The following SGCD variants were observed in gnomAD, a reference collection of about 807,000 sequenced individuals.
SGCD encodes the protein delta-sarcoglycan.
Under a neutral mutation model 36.6 loss-of-function variants are expected in SGCD, and 18 were observed. That is an observed-to-expected ratio of 0.49 (90% confidence interval 0.34 to 0.73). SGCD has a LOEUF of 0.73. Among genes scored for constraint, SGCD ranks in the 30% least tolerant of loss-of-function variants. The probability of loss-of-function intolerance (pLI) is 0.01; values close to 1 mark genes in which losing one functional copy is unlikely to be tolerated. For missense variants in SGCD, 387 were observed against 346.7 expected, an observed-to-expected ratio of 1.12 and a Z score of -0.92; for synonymous variants, 133 against 130.6, an observed-to-expected ratio of 1.02 and a Z score of -0.12.
intron 3 of SGCD, among the ~76,000 whole-genome samples, chr5:156,406,238 C>G (rs1191018838): frequency 6.6e-6 from 1 of 152,042 alleles, no homozygotes; most frequent in East Asian, 1.9e-4. Flanking sequence ...TTCCTTGAAG[C>G]ATCATGTTGT....
chr5:156,371,647 A>G (rs187656570), intron 3 of SGCD, among the ~76,000 whole-genome samples: 85 of 152,316 alleles, frequency 5.6e-4, no homozygotes, highest in Non-Finnish European at 1.0e-3. Context: ...AACTGCCTTT[A>G]GAACCACGTT....
chr5:156,119,863 T>C (rs565548232), intron 2 of SGCD, among the ~76,000 whole-genome samples: 1 of 152,218 alleles, frequency 6.6e-6, no homozygotes, highest in African/African-American at 2.4e-5. Context: ...CACTCTGCCA[T>C]CAGAGCAACC....
intron 3 of SGCD, among the ~76,000 whole-genome samples, chr5:156,308,003 A>G (rs1767273459): frequency 6.6e-6 from 1 of 152,194 alleles, no homozygotes; most frequent in South Asian, 2.1e-4. Context: ...CATGTAGGAA[A>G]CAAAAAATGA....
intron 4 of SGCD, among the ~76,000 whole-genome samples, chr5:156,529,608 C>T (rs1325333335): frequency 6.6e-6 from 1 of 151,966 alleles, no homozygotes; most frequent in East Asian, 1.9e-4. Flanking sequence ...GTACCCAGTG[C>T]TCTGTCATTG....
At chr5:156,331,472 A>G (rs1768064506) in intron 2 of SGCD, among the ~76,000 whole-genome samples, 1 of 152,146 alleles carries the variant, frequency 6.6e-6, no homozygotes, top group South Asian at 2.1e-4. Flanking sequence ...GAGGATATGG[A>G]TGCAATCACT....
At chr5:156,437,943 A>G (rs1753313170) in intron 3 of SGCD, among the ~76,000 whole-genome samples, 4 of 152,172 alleles carry the variant, frequency 2.6e-5, no homozygotes, top group Admixed American at 1.3e-4. Context: ...TGATGCAGAG[A>G]AGCTGTGAGA....
chr5:155,776,458 C>T, the SGCD span, among the ~76,000 whole-genome samples: 2 of 152,062 alleles, frequency 1.3e-5, no homozygotes, highest in African/African-American at 4.8e-5. Flanking sequence ...GAGACTGGCA[C>T]AAAACAGACA....
intron 4 of SGCD, among the ~76,000 whole-genome samples, chr5:156,587,729 T>G (rs2113363174): frequency 6.6e-6 from 1 of 152,250 alleles, no homozygotes; most frequent in African/African-American, 2.4e-5. Context: ...GTGTCTATTC[T>G]TTTCAAGGCT....
At chr5:155,905,924 A>C (rs761641564) in intron 1 of SGCD, among the ~76,000 whole-genome samples, 2 of 152,082 alleles carry the variant, frequency 1.3e-5, no homozygotes, top group African/African-American at 2.4e-5. Flanking sequence ...GAATGTCTTT[A>C]TCAGCAGCAT....
chr5:156,721,773 AACAGGGTGGGAG>A (rs1208842302), intron 7 of SGCD, among the ~76,000 whole-genome samples: 3 of 152,340 alleles, frequency 2.0e-5, no homozygotes, highest in African/African-American at 7.2e-5. Flanking sequence ...CATGTAGAGC[AACAGGGTGGGAG>A]ACAAGGTGAG....
chr5:156,154,612 C>A (rs971599016), intron 3 of SGCD, among the ~76,000 whole-genome samples: 23 of 151,488 alleles, frequency 1.5e-4, no homozygotes, highest in South Asian at 6.2e-4. Context: ...GCACTTAGTG[C>A]TTTATTTGTG....
chr5:156,048,643 A>G (rs1461679247), intron 1 of SGCD, among the ~76,000 whole-genome samples: 1 of 152,114 alleles, frequency 6.6e-6, no homozygotes, highest in East Asian at 1.9e-4. Flanking sequence ...GTGTCTGTTC[A>G]TATCCTTCAC....
intron 1 of SGCD, among the ~76,000 whole-genome samples, chr5:156,014,688 GTTCT>G (rs1758928467): frequency 6.6e-6 from 1 of 152,082 alleles, no homozygotes; most frequent in African/African-American, 2.4e-5. Flanking sequence ...TCCCAGTAAT[GTTCT>G]TTGTCACATT....
At chr5:156,022,013 T>A (rs1759115343) in intron 1 of SGCD, among the ~76,000 whole-genome samples, 1 of 152,132 alleles carries the variant, frequency 6.6e-6, no homozygotes, top group Non-Finnish European at 1.5e-5. Context: ...AAACCCAGTA[T>A]CTGTCACTTT....
At chr5:156,085,956 T>C (rs1761081541) in intron 1 of SGCD, among the ~76,000 whole-genome samples, 1 of 152,252 alleles carries the variant, frequency 6.6e-6, no homozygotes, top group African/African-American at 2.4e-5. Flanking sequence ...CCCATGTTTG[T>C]CTCTTCTTGT....
chr5:155,869,532 G>T (rs373982234), upstream of SGCD, among the ~76,000 whole-genome samples: 3 of 152,206 alleles, frequency 2.0e-5, no homozygotes, highest in South Asian at 4.1e-4. Context: ...CTCACCCAAG[G>T]TTATAGCACA....
intron 7 of SGCD, among the ~76,000 whole-genome samples, chr5:156,693,058 C>T (rs1281346157): frequency 6.6e-6 from 1 of 152,188 alleles, no homozygotes; most frequent in African/African-American, 2.4e-5. Flanking sequence ...TGAGGTCACT[C>T]AGCCCGAAAG....
At chr5:155,855,809 G>A in the SGCD span, among the ~76,000 whole-genome samples, 6 of 152,084 alleles carry the variant, frequency 3.9e-5, no homozygotes, top group Admixed American at 1.3e-4. Flanking sequence ...AGTTCAGGGA[G>A]GTCAAGTCAG....
At chr5:156,231,047 A>G (rs1454081152) in intron 3 of SGCD, among the ~76,000 whole-genome samples, 1 of 152,204 alleles carries the variant, frequency 6.6e-6, no homozygotes, top group Non-Finnish European at 1.5e-5. Context: ...GCATAGAAAA[A>G]AATAAGGAAG....
Sources: allele counts gnomAD v4.1 joint callset (sites outside exome capture counted in the v4.1 genomes callset), GRCh38; gene constraint gnomAD v4.1.1; transcripts MANE v1.5; gene names NCBI Gene and HGNC (gene_info 2026-07-23, HGNC 2026-07-21).